The following RAB31 variants were observed in gnomAD, a reference collection of about 807,000 sequenced individuals.
The protein encoded by RAB31 is ras-related protein Rab-31.
Under a neutral mutation model 25.6 loss-of-function variants are expected in RAB31, and 21 were observed. The observed-to-expected ratio is 0.82, with a 90% CI of 0.58 to 1.18. The LOEUF (loss-of-function observed/expected upper bound fraction) is 1.18. Ranked by LOEUF, RAB31 falls within the 50% of genes most tolerant of loss-of-function variation. The pLI is 0.00. For missense variants in RAB31, 196 were observed against 250.1 expected (o/e 0.78, Z 1.46); for synonymous variants, 87 against 84.0 (o/e 1.04, Z -0.20).
intron 3 of RAB31, among the ~76,000 whole-genome samples, chr18:9,795,150 C>G (rs116277679): frequency 0.017 from 2,632 of 152,284 alleles, 87 homozygotes; most frequent in African/African-American, 0.06. Context: ...AATGGACATC[C>G]TATTCAACAA....
intron 3 of RAB31, among the ~76,000 whole-genome samples, chr18:9,805,590 T>G (rs190783886): frequency 1.1e-4 from 17 of 152,274 alleles, no homozygotes; most frequent in Non-Finnish European, 1.8e-4. Context: ...CCACCTCCCA[T>G]GTAACCTAAC....
chr18:9,816,194 C>A, intron 5 of RAB31: 1 of 209,236 alleles, frequency 4.8e-6, no homozygotes, highest in South Asian at 9.6e-5. Flanking sequence ...GTTATGTCTG[C>A]CCTCAGTGTA....
Position 9,859,385 on chromosome 18 carries a change from G to A in RAB31, c.*60G>A, listed in dbSNP as rs551322743. 5.6e-5 allele frequency: 82 copies of A among 1,451,558 alleles called. No individual in the cohort carries two copies. In the East Asian group the frequency reaches 1.7e-3, roughly 30 times the overall value. 89.9% of individuals were successfully genotyped at this position (1,451,558 alleles called of 1,614,324 possible). A position where few individuals can be genotyped will look rare whatever the true frequency, so the allele number is the denominator to read the frequency against. On this transcript the variant is annotated 3_prime_UTR_variant, in exon 7 of 7. Coordinates refer to ENST00000578921, the MANE Select transcript of RAB31 (RefSeq NM_006868.4). ...CAGAGCCCACATCCTGTGCACTGCT[G>A]AAGGACCCTACGCTCGGTGGCCTGG...
At chr18:9,823,878 T>C (rs894801442) in intron 5 of RAB31, among the ~76,000 whole-genome samples, 7 of 152,198 alleles carry the variant, frequency 4.6e-5, no homozygotes, top group African/African-American at 1.7e-4. Flanking sequence ...CTGCCCAGAA[T>C]GTCTGTCTCC....
rs201513237 is a variant in RAB31, at chr18:9,715,409, G to GC, written c.39+6970dup. Among the ~76,000 whole-genome samples the GC allele has an allele frequency of 4.7e-3, 629 of 134,068 alleles. 1 individual carries two copies. The highest frequency in any genetic ancestry group is 7.3e-3 in the Non-Finnish European group (450 of 61,826). The allele number at this position is 134,068 out of a possible 152,430, so 88.0% of individuals were successfully genotyped here. ...GGGTCTTTTATTTTTAATTCCCTTT[G>GC]CCCCCTTTTTTTTTTTTTGAAAAAT... is the stretch of plus-strand genomic sequence containing the variant. On this transcript the variant is annotated intron_variant, in intron 1 of 6. Transcript: ENST00000578921.
At chr18:9,721,688 A>C (rs60682861) in intron 1 of RAB31, among the ~76,000 whole-genome samples, 2,478 of 151,946 alleles carry the variant, frequency 0.016, 61 homozygotes, top group African/African-American at 0.055. Flanking sequence ...GCAGGTGTTT[A>C]CTGAGTGCCT....
chr18:9,715,528 CTTTT>C (rs1161797158), intron 1 of RAB31, among the ~76,000 whole-genome samples: 5 of 128,180 alleles, frequency 3.9e-5, no homozygotes, highest in African/African-American at 8.8e-5. Context: ...CTCTCTCTCT[CTTTT>C]TTTTTTTTTT....
intron 5 of RAB31, among the ~76,000 whole-genome samples, chr18:9,830,929 T>C (rs993971118): frequency 5.3e-5 from 8 of 152,208 alleles, no homozygotes; most frequent in African/African-American, 1.7e-4. Flanking sequence ...GTCTCAGCAT[T>C]ATTGGATGTG....
In RAB31 at chr18:9,775,305, G is replaced by A. The variant is rs777324389; in HGVS notation, c.67G>A (p.Val23Met). The change falls in exon 2 of 7, where the codon GTG (valine) becomes ATG (methionine). Residue 23 changes from valine (V) to methionine (M), a missense_variant. Val to Met is a conservative substitution (Grantham distance 21). Coordinates refer to ENST00000578921, the MANE Select transcript of RAB31 (RefSeq NM_006868.4). ...CACTGGGGTTGGGAAATCAAGCATC[G>A]TGTGTCGATTTGTCCAGGATCACTT... ...GDTGVGKSSI[V>M]CRFVQDHFDH... The A allele has an allele frequency of 6.8e-6, 11 of 1,613,772 alleles. No individual in the cohort carries two copies. The highest frequency in any genetic ancestry group is 1.7e-4 in the Middle Eastern group (1 of 6,060).
At chr18:9,774,084 A>G (rs1222955697) in intron 1 of RAB31, among the ~76,000 whole-genome samples, 1 of 152,102 alleles carries the variant, frequency 6.6e-6, no homozygotes, top group Non-Finnish European at 1.5e-5. Flanking sequence ...TTAGTGAGTG[A>G]TTATATTGAA....
intron 1 of RAB31, among the ~76,000 whole-genome samples, chr18:9,745,974 T>C (rs547659606): frequency 2.2e-4 from 34 of 152,252 alleles, no homozygotes; most frequent in African/African-American, 7.9e-4. Context: ...AAGAAAGAAG[T>C]AAAACTATCT....
chr18:9,814,160 G>C, intron 4 of RAB31, 69 bp downstream of exon 4: 1 of 1,185,010 alleles, frequency 8.4e-7, no homozygotes, highest in South Asian at 1.3e-5. Flanking sequence ...GACTGGAGCA[G>C]AGACGTCACT....
At chr18:9,848,236 A>G (rs2068771254) in intron 6 of RAB31, among the ~76,000 whole-genome samples, 2 of 151,902 alleles carry the variant, frequency 1.3e-5, no homozygotes, top group African/African-American at 4.8e-5. Context: ...CTGTCTGTCC[A>G]TCTGTCCACT....
chr18:9,708,420 G>A lies in RAB31; in HGVS notation c.15G>A (p.Arg5=). 1.9e-6 allele frequency: 3 copies of A among 1,569,822 alleles called. No individual in the cohort carries two copies. The highest frequency in any genetic ancestry group is 1.1e-5 in the South Asian group (1 of 87,234). The change falls in exon 1 of 7, where the codon CGG becomes CGA. Residue 5 remains arginine, a synonymous_variant. Transcript: ENST00000578921. The surrounding 1 kb of genome is among the most constrained non-coding windows in gnomAD (Gnocchi z 6.4). Reference sequence around the variant, plus strand: ...GCTGCGAGCACATGATGGCGATACGGGAGCTCAAAGTGTGCCTTCTCGGGG... The same window carrying A: ...GCTGCGAGCACATGATGGCGATACGAGAGCTCAAAGTGTGCCTTCTCGGGG... The part of the protein sequence containing the change: MMAI[R]ELKVCLLGDT...
At chr18:9,759,954 C>T (rs761478371) in intron 1 of RAB31, among the ~76,000 whole-genome samples, 6 of 151,896 alleles carry the variant, frequency 4.0e-5, no homozygotes, top group Admixed American at 2.0e-4. Context: ...TAAGGTGGTC[C>T]CCGTGAGCAC....
intron 2 of RAB31, among the ~76,000 whole-genome samples, chr18:9,785,975 C>A (rs570309600): frequency 6.6e-6 from 1 of 152,176 alleles, no homozygotes; most frequent in African/African-American, 2.4e-5. Context: ...GCAGGAGAAT[C>A]GCTTGAACCC....
chr18:9,858,155 A>G (rs1474793494), intron 6 of RAB31, among the ~76,000 whole-genome samples: 1 of 152,214 alleles, frequency 6.6e-6, no homozygotes, highest in African/African-American at 2.4e-5. Flanking sequence ...CCCATCAGGA[A>G]GTCAAGGTGT....
At position 9,813,573 on chromosome 18, in the gene RAB31, C is replaced by A. The variant is rs116182040; in HGVS notation, c.202-447C>A. Among the ~76,000 whole-genome samples, 31 of 152,206 alleles carry A rather than the reference C, an allele frequency of 2.0e-4. 1 individual carries two copies. The South Asian group carries it at 6.4e-3, about 32-fold the overall frequency. On this transcript the variant is annotated intron_variant, in intron 3 of 6. Transcript: ENST00000578921. ...TATTATTTCATATGAACTCTGGGGC[C>A]GGGTGCGGTAGCTCACACCTGTAAT...
intron 1 of RAB31, among the ~76,000 whole-genome samples, chr18:9,758,592 A>G (rs543957576): frequency 6.6e-6 from 1 of 152,176 alleles, no homozygotes; most frequent in South Asian, 2.1e-4. Context: ...GTGCATCCCC[A>G]TCACAGCACT....
Sources: gnomAD v4.1 joint callset for allele counts (sites outside exome capture counted in the v4.1 genomes callset) on GRCh38, gnomAD v4.1.1 for gene constraint, Gnocchi (gnomAD v3.1) non-coding constraint, MANE v1.5 for transcripts, NCBI Gene and HGNC (gene_info 2026-07-23, HGNC 2026-07-21) for gene names.